VIT: variants seen among roughly 807,000 people sequenced by gnomAD.
VIT encodes vitrin.
VIT carries 99 observed loss-of-function variants against 78.0 expected under a neutral mutation model. That is an observed-to-expected ratio of 1.27 (90% confidence interval 1.08 to 1.50). The LOEUF is 1.50. Among genes scored for constraint, VIT ranks in the 40% most tolerant of loss-of-function variants. The probability of loss-of-function intolerance (pLI) is 0.00; values close to 1 mark genes in which losing one functional copy is unlikely to be tolerated. For missense variants in VIT, 1,126 were observed against 875.3 expected (o/e 1.29, Z -3.61); for synonymous variants, 374 against 334.3 (o/e 1.12, Z -1.29).
chr2:36,749,949 G>A (rs1247590934), intron 4 of VIT, among the ~76,000 whole-genome samples: 1 of 152,168 alleles, frequency 6.6e-6, no homozygotes, highest in Non-Finnish European at 1.5e-5. Flanking sequence ...ATAAAATAAA[G>A]TTTAAGAATT....
At chr2:36,710,030 C>T (rs761710424) in intron 1 of VIT, among the ~76,000 whole-genome samples, 6 of 152,120 alleles carry the variant, frequency 3.9e-5, no homozygotes, top group Non-Finnish European at 7.4e-5. Flanking sequence ...ACTGCTGCAG[C>T]TTCCCATTTG....
intron 1 of VIT, among the ~76,000 whole-genome samples, chr2:36,707,860 GA>G (rs11362905): frequency 0.54 from 76,613 of 141,118 alleles, 20,318 homozygotes; most frequent in South Asian, 0.7. Flanking sequence ...ATTTCTTTAG[GA>G]AAAAAAAAAA....
chr2:36,803,634 A>G (rs1468807936), intron 13 of VIT, among the ~76,000 whole-genome samples: 4 of 152,228 alleles, frequency 2.6e-5, no homozygotes, highest in Non-Finnish European at 5.9e-5. Context: ...CTGTGCAGCC[A>G]GTTCACATGG....
intron 2 of VIT, among the ~76,000 whole-genome samples, chr2:36,724,021 ATT>A (rs111231114): frequency 7.0e-6 from 1 of 142,868 alleles, no homozygotes; most frequent in Non-Finnish European, 1.5e-5. Context: ...AAACACTGGA[ATT>A]TTTTTTTTTT....
Position 36,808,465 on chromosome 2 carries a change from C to G in VIT, c.1390-7C>G. On this transcript the variant is annotated splice_region_variant and splice_polypyrimidine_tract_variant and intron_variant, in intron 14 of 15. Transcript: ENST00000379242. ...CGTGGCGTGGGTCCCTCCCCTCTGT[C>G]TTCTAGGCCGTGTGCAGAACAAACG... is the stretch of plus-strand genomic sequence containing the variant. 6.3e-7 allele frequency: 1 copy of G among 1,597,516 alleles called. No individual in the cohort carries two copies. Among genetic ancestry groups the G allele is most frequent in the East Asian group, 2.2e-5 (1 of 44,488 alleles).
At chr2:36,738,406 T>C (rs1416292467) in intron 3 of VIT, among the ~76,000 whole-genome samples, 1 of 151,722 alleles carries the variant, frequency 6.6e-6, no homozygotes, top group Admixed American at 6.6e-5. Context: ...TTTAGGGTTT[T>C]GTAAGGACCA....
intron 9 of VIT, among the ~76,000 whole-genome samples, chr2:36,776,966 G>A (rs1453394738): frequency 2.0e-5 from 3 of 149,954 alleles, no homozygotes; most frequent in African/African-American, 4.9e-5. Context: ...GCGGGCGCCT[G>A]TAGTCCCAGC....
At chr2:36,758,555 C>T (rs953042309) in intron 5 of VIT, among the ~76,000 whole-genome samples, 14 of 152,188 alleles carry the variant, frequency 9.2e-5, no homozygotes, top group African/African-American at 2.9e-4. Context: ...AAATGAATCC[C>T]ACACGGTCTG....
In VIT at chr2:36,777,038, G is replaced by T. The variant is rs563676803; in HGVS notation, c.802+1971G>T. Among the ~76,000 whole-genome samples the T allele has an allele frequency of 2.6e-4, 38 of 145,606 alleles. 1 individual carries two copies. In the East Asian group the frequency reaches 6.6e-3, roughly 25 times the overall value. ...CAGGAGGCGGAGCTTGCAGTGAGCC[G>T]AGATCACGCCACTGCACTCCAGCCT... is the stretch of plus-strand genomic sequence containing the variant. On this transcript the variant is annotated intron_variant, in intron 9 of 15. Coordinates refer to ENST00000379242, the MANE Select transcript of VIT (RefSeq NM_053276.4).
chr2:36,756,254 A>G (rs1344703387), intron 5 of VIT, among the ~76,000 whole-genome samples: 1 of 152,032 alleles, frequency 6.6e-6, no homozygotes, highest in Admixed American at 6.6e-5. Flanking sequence ...CACCACGCCC[A>G]GCCTAACAGT....
At chr2:36,744,479 A>G (rs1033449602) in intron 4 of VIT, among the ~76,000 whole-genome samples, 1 of 152,136 alleles carries the variant, frequency 6.6e-6, no homozygotes, top group African/African-American at 2.4e-5. Context: ...CAGCCCACCA[A>G]CATCTATTAT....
chr2:36,774,854 A>C, intron 8 of VIT, 148 bp from the exon 9 acceptor site: 1 of 1,453,658 alleles, frequency 6.9e-7, no homozygotes. Context: ...CCTCCTCTGC[A>C]ACCCCCAGAA....
intron 7 of VIT, among the ~76,000 whole-genome samples, 187 bp from the exon 8 acceptor site, chr2:36,773,604 A>T (rs751194810): frequency 6.6e-6 from 1 of 152,122 alleles, no homozygotes; most frequent in African/African-American, 2.4e-5. Flanking sequence ...AGTGGTACGC[A>T]CCTGTAATCC....
intron 1 of VIT, among the ~76,000 whole-genome samples, chr2:36,705,751 T>G (rs72871898): frequency 2.7e-4 from 41 of 152,346 alleles, no homozygotes; most frequent in African/African-American, 9.4e-4. Context: ...GTTCCTAGAT[T>G]GGAATGTCAG....
At chr2:36,814,135 A>G in intron 15 of VIT, 48 bp from the exon 16 acceptor site, 4 of 1,590,018 alleles carry the variant, frequency 2.5e-6, no homozygotes, top group Non-Finnish European at 3.4e-6. Context: ...ATTCTTTAGC[A>G]GCACCTTTAC....
At chr2:36,790,502 C>T (rs1011820165) in intron 12 of VIT, among the ~76,000 whole-genome samples, 3 of 152,172 alleles carry the variant, frequency 2.0e-5, no homozygotes, top group African/African-American at 7.2e-5. Flanking sequence ...CCTGCGGGAC[C>T]CATAACTCAC....
chr2:36,796,722 C>T (rs1013793008), intron 12 of VIT, among the ~76,000 whole-genome samples: 1 of 151,948 alleles, frequency 6.6e-6, no homozygotes, highest in African/African-American at 2.4e-5. Flanking sequence ...CTGTCTTGGC[C>T]TCTCAAAGTG....
intron 1 of VIT, among the ~76,000 whole-genome samples, chr2:36,710,077 C>A (rs566223577): frequency 3.3e-5 from 5 of 152,300 alleles, no homozygotes; most frequent in African/African-American, 1.2e-4. Context: ...GTCTTCCTAA[C>A]AGACCACATA....
At chr2:36,753,904 A>C (rs1314605388) in intron 4 of VIT, among the ~76,000 whole-genome samples, 2 of 152,186 alleles carry the variant, frequency 1.3e-5, no homozygotes, top group Admixed American at 1.3e-4. Flanking sequence ...ACCTGGGTTT[A>C]AATCCCTCTT....
Sources: gnomAD v4.1 joint callset for allele counts (sites outside exome capture counted in the v4.1 genomes callset) on GRCh38, gnomAD v4.1.1 for gene constraint, MANE v1.5 for transcripts, NCBI Gene and HGNC (gene_info 2026-07-23, HGNC 2026-07-21) for gene names.